FBXL13: variants seen among roughly 807,000 people sequenced by gnomAD.
FBXL13 encodes the protein F-box and leucine-rich repeat protein 13.
Under a neutral mutation model 83.6 loss-of-function variants are expected in FBXL13, and 67 were observed. The observed-to-expected ratio is 0.80, with a 90% CI of 0.66 to 0.98. The LOEUF is 0.98. FBXL13 is among the 50% of genes least tolerant of loss of function. The pLI is 0.00. For synonymous variants in FBXL13, 272 were observed against 299.5 expected (o/e 0.91, Z 0.95); for missense variants, 822 against 866.5 (o/e 0.95, Z 0.64).
intron 14 of FBXL13, among the ~76,000 whole-genome samples, chr7:102,883,015 T>C (rs927600809): frequency 3.3e-5 from 5 of 151,980 alleles, no homozygotes; most frequent in African/African-American, 4.8e-5. Flanking sequence ...CTGAACTAGC[T>C]ATGGAAACCC....
chr7:103,014,940 A>G (rs962839735), intron 6 of FBXL13, among the ~76,000 whole-genome samples: 2 of 150,904 alleles, frequency 1.3e-5, no homozygotes, highest in South Asian at 4.2e-4. Context: ...AAAAAAAAAA[A>G]AAAAAAAGAA....
chr7:102,997,133 G>T (rs1446049097), intron 6 of FBXL13, among the ~76,000 whole-genome samples: 4 of 152,190 alleles, frequency 2.6e-5, no homozygotes, highest in African/African-American at 9.6e-5. Context: ...TATAGTTATT[G>T]AAAGCTTGCC....
chr7:102,923,245 CTTCA>C (rs1817438965), intron 10 of FBXL13, among the ~76,000 whole-genome samples: 1 of 151,988 alleles, frequency 6.6e-6, no homozygotes, highest in Non-Finnish European at 1.5e-5. Flanking sequence ...ATTTAATTTG[CTTCA>C]TTCATTGTGT....
intron 1 of FBXL13, among the ~76,000 whole-genome samples, chr7:103,072,701 C>T (rs1441758157): frequency 6.6e-6 from 1 of 152,180 alleles, no homozygotes; most frequent in Non-Finnish European, 1.5e-5. Context: ...CTGACCCCCA[C>T]CTCCTGTGTT....
intron 2 of FBXL13, among the ~76,000 whole-genome samples, chr7:103,049,528 AAAG>A (rs1401629880): frequency 6.6e-6 from 1 of 152,222 alleles, no homozygotes; most frequent in African/African-American, 2.4e-5. Flanking sequence ...CAGACAAACC[AAAG>A]AAGATTACTA....
Position 102,934,524 on chromosome 7 carries a change from G to A in FBXL13, c.725-2591C>T, listed in dbSNP as rs201380677. ...CAAGAACAAAAAAATAAAAAACTGC[G>A]GCAGATAAAATCTGAACAGTTGTGT... On this transcript the variant is annotated intron_variant, in intron 8 of 19. Transcript: ENST00000313221. 38 of 1,607,296 alleles carry A rather than the reference G, an allele frequency of 2.4e-5. No individual in the cohort carries two copies. The East Asian group carries it at 3.8e-4, about 16-fold the overall frequency.
chr7:102,944,331 C>A lies in FBXL13; in HGVS notation c.725-12398G>T. ...TGAAACTCTTGTGGCTCAGAGATAA[C>A]CCTTGGAGATGTGACTACAACATTC... On this transcript the variant is annotated intron_variant, in intron 8 of 19. Coordinates refer to ENST00000313221, the Ensembl canonical transcript of FBXL13. 1 of 1,614,010 alleles carries A rather than the reference C, an allele frequency of 6.2e-7. No individual in the cohort carries two copies. Among genetic ancestry groups the A allele is most frequent in the Non-Finnish European group, 8.5e-7 (1 of 1,179,938 alleles).
At chr7:102,838,410 C>T (rs1802372141) in intron 17 of FBXL13, among the ~76,000 whole-genome samples, 1 of 151,748 alleles carries the variant, frequency 6.6e-6, no homozygotes. Flanking sequence ...TTCTCTGTGG[C>T]TCTGATTGCC....
At chr7:103,070,934 G>A (rs1208682177) in intron 1 of FBXL13, among the ~76,000 whole-genome samples, 2 of 152,130 alleles carry the variant, frequency 1.3e-5, no homozygotes, top group African/African-American at 4.8e-5. Context: ...GATTTGGAGA[G>A]AACAAATAAA....
At chr7:102,992,513 T>A (rs1829687758) in intron 6 of FBXL13, among the ~76,000 whole-genome samples, 2 of 152,204 alleles carry the variant, frequency 1.3e-5, no homozygotes, top group Admixed American at 1.3e-4. Context: ...ATATGCTAGA[T>A]CATTTTGCAA....
At chr7:102,922,543 C>T (rs375367393) in intron 10 of FBXL13, among the ~76,000 whole-genome samples, 5 of 152,098 alleles carry the variant, frequency 3.3e-5, no homozygotes, top group East Asian at 3.9e-4. Flanking sequence ...ATGTGTAGCA[C>T]GCAACTTACA....
intron 6 of FBXL13, among the ~76,000 whole-genome samples, chr7:102,981,373 G>T (rs954466744): frequency 6.6e-6 from 1 of 151,526 alleles, no homozygotes; most frequent in Non-Finnish European, 1.5e-5. Context: ...TCCCCTGTAT[G>T]TACCCATCTC....
chr7:103,064,393 T>A (rs1388459896), intron 1 of FBXL13, among the ~76,000 whole-genome samples: 3 of 152,140 alleles, frequency 2.0e-5, no homozygotes, highest in Non-Finnish European at 2.9e-5. Context: ...GTAGGAAATA[T>A]TAGGAAGAGG....
At chr7:103,053,149 T>C (rs552711576) in intron 2 of FBXL13, among the ~76,000 whole-genome samples, 2 of 152,164 alleles carry the variant, frequency 1.3e-5, no homozygotes, top group East Asian at 3.9e-4. Flanking sequence ...TTGTTTTGTT[T>C]TGTTTTGTTT....
chr7:103,026,827 C>A (rs535165631), intron 5 of FBXL13, among the ~76,000 whole-genome samples: 2 of 152,172 alleles, frequency 1.3e-5, no homozygotes, highest in Admixed American at 6.5e-5. Flanking sequence ...TCTACCCTTA[C>A]TTTATATTTC....
At chr7:102,925,354 C>T (rs1037323712) in intron 10 of FBXL13, among the ~76,000 whole-genome samples, 3 of 152,168 alleles carry the variant, frequency 2.0e-5, no homozygotes, top group African/African-American at 7.2e-5. Context: ...ATGATTGTAC[C>T]ATTGCATTGC....
intron 11 of FBXL13, among the ~76,000 whole-genome samples, chr7:102,903,939 C>CTTTTCTTTTTTTTTTT (rs1321420603): frequency 1.8e-3 from 77 of 43,406 alleles, no homozygotes; most frequent in African/African-American, 3.4e-3. Context: ...CTTTTCTTTT[C>CTTTTCTTTTTTTTTTT]TTTTTTTTTT....
At position 102,910,288 on chromosome 7, in the gene FBXL13, C is replaced by G. The variant is rs1005007581; in HGVS notation, c.1008+2798G>C. 2.6e-5 allele frequency among the ~76,000 whole-genome samples: 4 copies of G among 152,176 alleles called. 1 individual carries two copies. The highest frequency in any genetic ancestry group is 2.0e-4 in the Admixed American group (3 of 15,284). ...GGCGATTCAGGACTATTGTTTCTAT[C>G]TCTTCAATGACTCTTTCAGTCATAT... On this transcript the variant is annotated intron_variant, in intron 11 of 19. Transcript: ENST00000313221.
At chr7:102,858,863 G>A (rs995266402) in intron 16 of FBXL13, among the ~76,000 whole-genome samples, 1 of 152,172 alleles carries the variant, frequency 6.6e-6, no homozygotes, top group Admixed American at 6.5e-5. Context: ...AGGAGTGACT[G>A]CTAATGGGAA....
Sources: allele counts gnomAD v4.1 joint callset (sites outside exome capture counted in the v4.1 genomes callset), GRCh38; gene constraint gnomAD v4.1.1; transcripts MANE v1.5; gene names NCBI Gene and HGNC (gene_info 2026-07-23, HGNC 2026-07-21).